The following SCN2B variants were observed in gnomAD, a reference collection of about 807,000 sequenced individuals.
SCN2B encodes the protein sodium channel regulatory subunit beta-2.
A neutral mutation model predicts 18.2 loss-of-function variants in SCN2B; 14 were observed. The observed-to-expected ratio is 0.77, with a 90% CI of 0.51 to 1.21. SCN2B has a LOEUF of 1.21. Among genes scored for constraint, SCN2B ranks in the 50% most tolerant of loss-of-function variants. SCN2B has a pLI of 0.00. For missense variants in SCN2B, 262 were observed against 286.9 expected (o/e 0.91, Z 0.63); for synonymous variants, 115 against 115.3 (o/e 1.00, Z 0.02).
chr11:118,169,795 G>T (rs1948415520), intron 1 of SCN2B, among the ~76,000 whole-genome samples: 1 of 152,182 alleles, frequency 6.6e-6, no homozygotes, highest in Non-Finnish European at 1.5e-5. Flanking sequence ...TGGTGCTGGG[G>T]CTGAGAAAGG....
rs1565462826 is a variant in SCN2B, at chr11:118,167,046, A to C, written c.489T>G (p.Gly163=). The C allele has an allele frequency of 6.2e-7, 1 of 1,613,454 alleles. No homozygotes were observed. The highest frequency in any genetic ancestry group is 8.5e-7 in the Non-Finnish European group (1 of 1,179,996). Reference sequence around the variant, plus strand: ...CAGCCAGGAAGCCCCCGACGGAGGCACCCACAATCACGGCCACCGTGGAGT... The same window carrying C: ...CAGCCAGGAAGCCCCCGACGGAGGCCCCCACAATCACGGCCACCGTGGAGT... ...ERDSTVAVIV[G]ASVGGFLAVV... is the part of the protein sequence containing the mutation. The change falls in exon 4 of 4, where the codon GGT becomes GGG. Residue 163 remains glycine, a synonymous_variant. Transcript: ENST00000278947.
In SCN2B at chr11:118,176,634, G is replaced by A. The variant is rs920892434; in HGVS notation, c.-203C>T. The A allele has an allele frequency of 1.3e-5, 4 of 315,990 alleles. No homozygotes were observed. The highest frequency in any genetic ancestry group is 1.1e-4 in the South Asian group (4 of 36,006). The allele number at this position is 315,990 out of a possible 1,614,324, so 19.6% of individuals were successfully genotyped here. On this transcript the variant is annotated 5_prime_UTR_variant, in exon 1 of 4. Coordinates refer to ENST00000278947, the MANE Select transcript of SCN2B (RefSeq NM_004588.5). ...GCTGCTAAAAAGAGAGAGAGAGGGA[G>A]TGTGTAAAGGAGAGAGAGAGAGATG...
chr11:118,174,760 G>GC (rs1948456818), intron 1 of SCN2B, among the ~76,000 whole-genome samples: 2 of 152,118 alleles, frequency 1.3e-5, no homozygotes, highest in South Asian at 4.1e-4. Context: ...TGGTCACTGA[G>GC]CCCCCTTTCT....
rs1384729312 is a variant in SCN2B at position 118,168,834 on chromosome 11, G to A, written c.71-83C>T. ...AGCCCTCTGTGCCTGGGAGTGTTGG[G>A]GGATGAGGCAGAGCAGAGCCACAGG... is the stretch of plus-strand genomic sequence containing the variant. On this transcript the variant is annotated intron_variant, in intron 1 of 3. Transcript: ENST00000278947. This position sits in a 1 kb window ranked among gnomAD's most constrained non-coding sequence, Gnocchi z 4.7. The A allele has an allele frequency of 6.6e-7, 1 of 1,505,602 alleles. No homozygotes were observed. Among genetic ancestry groups the A allele is most frequent in the African/African-American group, 1.4e-5 (1 of 72,664 alleles). The allele number at this position is 1,505,602 out of a possible 1,614,324, so 93.3% of individuals were successfully genotyped here.
At position 118,171,852 on chromosome 11, in the gene SCN2B, T is replaced by C. The variant is rs543133890; in HGVS notation, c.71-3101A>G. 2.7e-3 allele frequency among the ~76,000 whole-genome samples: 415 copies of C among 152,234 alleles called. 2 individuals are homozygous for C. The highest frequency in any genetic ancestry group is 9.7e-3 in the African/African-American group (402 of 41,548). On this transcript the variant is annotated intron_variant, in intron 1 of 3. Transcript: ENST00000278947. ...CAAGTTCCATCCTGCGGAGCGAGCA[T>C]GGGATCCGGAGCCACAGCTGGAGCT...
At chr11:118,170,931 GC>G (rs766997740) in intron 1 of SCN2B, among the ~76,000 whole-genome samples, 2 of 152,070 alleles carry the variant, frequency 1.3e-5, no homozygotes, top group Non-Finnish European at 2.9e-5. Flanking sequence ...TTGGCGAACA[GC>G]CCAGGCCTGC....
intron 1 of SCN2B, among the ~76,000 whole-genome samples, chr11:118,171,779 G>T (rs1171882016): frequency 6.6e-6 from 1 of 152,242 alleles, no homozygotes; most frequent in African/African-American, 2.4e-5. Context: ...CCTGCAGAAG[G>T]TACCGGGCGG....
Position 118,165,929 on chromosome 11 carries a change from C to T in SCN2B, c.*958G>A, listed in dbSNP as rs1948377692. 6.6e-6 allele frequency: 1 copy of T among 152,330 alleles called. No individual in the cohort carries two copies. Among genetic ancestry groups the T allele is most frequent in the Non-Finnish European group, 1.5e-5 (1 of 68,132 alleles). 9.4% of individuals were successfully genotyped at this position (152,330 alleles called of 1,614,324 possible). ...CTGTAGCCAAAAGCCAGGTGGAAAC[C>T]CCACCAAGGGCAACTGGGAGAGTTC... On this transcript the variant is annotated 3_prime_UTR_variant, in exon 4 of 4. Coordinates refer to ENST00000278947, the MANE Select transcript of SCN2B (RefSeq NM_004588.5).
At position 118,168,282 on chromosome 11, in the gene SCN2B, C is replaced by A. The variant is rs201460753; in HGVS notation, c.251G>T (p.Arg84Leu). 1 of 1,614,108 alleles carries A rather than the reference C, an allele frequency of 6.2e-7. No individual in the cohort carries two copies. Among genetic ancestry groups the A allele is most frequent in the East Asian group, 2.2e-5 (1 of 44,880 alleles). Residue 84 changes from arginine to leucine, a missense_variant, in exon 3 of 4, where the codon CGC becomes CTC. By Grantham distance (102) the Arg-to-Leu change is moderately radical. Coordinates refer to ENST00000278947, the MANE Select transcript of SCN2B (RefSeq NM_004588.5). The surrounding 1 kb of genome is among the most constrained non-coding windows in gnomAD (Gnocchi z 4.7). Reference protein sequence around the residue: ...NCSEEMFLQFRMKIINLKLER... With the variant: ...NCSEEMFLQFLMKIINLKLER... Reference sequence around the variant, plus strand: ...CAGCTTCAGGTTAATGATCTTCATGCGGAACTGGAGGAACTGGGGTTGGAG... The same window carrying A: ...CAGCTTCAGGTTAATGATCTTCATGAGGAACTGGAGGAACTGGGGTTGGAG...
Position 118,176,417 on chromosome 11 carries a change from G to C in SCN2B, c.15C>G (p.Ala5=). The C allele has an allele frequency of 1.2e-6, 2 of 1,614,116 alleles. No individual in the cohort carries two copies. Among genetic ancestry groups the C allele is most frequent in the South Asian group, 1.1e-5 (1 of 91,084 alleles). Residue 5 remains alanine (A), a synonymous_variant, in exon 1 of 4, where the codon GCC becomes GCG. Transcript: ENST00000278947. MHRD[A]WLPRPAFSLT... Reference sequence around the variant, plus strand: ...GGCTGAAGGCAGGGCGAGGTAGCCAGGCATCTCTGTGCATTTTCAGAGACT... The same window carrying C: ...GGCTGAAGGCAGGGCGAGGTAGCCACGCATCTCTGTGCATTTTCAGAGACT...
chr11:118,168,611 C>A lies in SCN2B; in HGVS notation c.211G>T (p.Glu71Ter), dbSNP rs1555100892. ...KQFSLNWTYQ[E>*]CNNCSEEMFL... ...ATCTCCTCAGAGCAGTTGTTGCACT[C>A]CTGGTAAGTCCAGTTCAGGGAGAAC... Residue 71 changes from glutamate to a stop codon, truncating the protein, a stop_gained, in exon 2 of 4, where the codon GAG becomes TAG. Transcript: ENST00000278947. LOFTEE classifies it high-confidence loss of function. The surrounding 1 kb of genome is among the most constrained non-coding windows in gnomAD (Gnocchi z 4.7). The A allele has an allele frequency of 6.2e-7, 1 of 1,614,236 alleles. No individual in the cohort carries two copies. The highest frequency in any genetic ancestry group is 8.5e-7 in the Non-Finnish European group (1 of 1,180,042).
intron 1 of SCN2B, among the ~76,000 whole-genome samples, chr11:118,174,091 CTTTTTT>C (rs1162918445): frequency 1.4e-4 from 9 of 66,628 alleles, no homozygotes; most frequent in Non-Finnish European, 2.1e-4. Flanking sequence ...TTTTTCTTTT[CTTTTTT>C]TTTTTTTTTT....
At chr11:118,173,586 G>A (rs539189762) in intron 1 of SCN2B, among the ~76,000 whole-genome samples, 11 of 152,344 alleles carry the variant, frequency 7.2e-5, no homozygotes, top group South Asian at 4.1e-4. Flanking sequence ...CTTACTACCT[G>A]TATGAAGCTC....
Position 118,163,962 on chromosome 11 carries a change from A to C in SCN2B, c.*2925T>G, listed in dbSNP as rs927492305. 6.6e-6 allele frequency: 1 copy of C among 152,198 alleles called. No individual in the cohort carries two copies. The highest frequency in any genetic ancestry group is 2.4e-5 in the African/African-American group (1 of 41,436). 9.4% of individuals were successfully genotyped at this position (152,198 alleles called of 1,614,324 possible). ...TCTGGAGGAGATTCTAAGAGGCTCC[A>C]GAAGAAAATGCATATGAGGGCTGAG... On this transcript the variant is annotated 3_prime_UTR_variant, in exon 4 of 4. Transcript: ENST00000278947.
intron 1 of SCN2B, among the ~76,000 whole-genome samples, chr11:118,171,978 G>A (rs770511978): frequency 6.6e-6 from 1 of 152,136 alleles, no homozygotes; most frequent in Non-Finnish European, 1.5e-5. Flanking sequence ...CAGAATCATG[G>A]TTCCTAGCCC....
rs1948348065 is a variant in SCN2B at position 118,163,309 on chromosome 11, C to G, written c.*3578G>C. The G allele has an allele frequency of 6.6e-6, 1 of 152,420 alleles. No individual in the cohort carries two copies. The highest frequency in any genetic ancestry group is 6.5e-5 in the Admixed American group (1 of 15,290). The allele number at this position is 152,420 out of a possible 1,614,324, so 9.4% of individuals were successfully genotyped here. ...GATTTCTTGCTTCATCACCCGTTAA[C>G]TGCACCAAGCCATTCCTATGGCCTG... On this transcript the variant is annotated 3_prime_UTR_variant, in exon 4 of 4. Coordinates refer to ENST00000278947, the MANE Select transcript of SCN2B (RefSeq NM_004588.5).
At position 118,164,072 on chromosome 11, in the gene SCN2B, C is replaced by T. The variant is rs1948356083; in HGVS notation, c.*2815G>A. 1 of 152,138 alleles carries T rather than the reference C, an allele frequency of 6.6e-6. No homozygotes were observed. The highest frequency in any genetic ancestry group is 6.5e-5 in the Admixed American group (1 of 15,278). 9.4% of individuals were successfully genotyped at this position (152,138 alleles called of 1,614,324 possible). On this transcript the variant is annotated 3_prime_UTR_variant, in exon 4 of 4. Transcript: ENST00000278947. ...AAGAGACATTGCTTTTCCTGGGCCC[C>T]AGTTGATCAGGGCAGAGGAAAAAAA...
chr11:118,171,714 G>T (rs565723278), intron 1 of SCN2B, among the ~76,000 whole-genome samples: 1 of 152,184 alleles, frequency 6.6e-6, no homozygotes, highest in Non-Finnish European at 1.5e-5. Flanking sequence ...CCGGCAGGAC[G>T]GGGGCAGCCG....
rs115353159 is a variant in SCN2B, at chr11:118,166,957, G to A, written c.578C>T (p.Thr193Ile). 2.2e-5 allele frequency: 36 copies of A among 1,614,176 alleles called. No homozygotes were observed. The African/African-American group carries it at 4.0e-4, about 18-fold the overall frequency. Residue 193 changes from threonine (T) to isoleucine (I), a missense_variant, in exon 4 of 4, where the codon ACA becomes ATA. Coordinates refer to ENST00000278947, the MANE Select transcript of SCN2B (RefSeq NM_004588.5). ...CTCCTCCTCGGTCTTCAGGTCATCT[G>A]TGCTCAGCTTCTGCTCTTTTTTTCT... is the stretch of plus-strand genomic sequence containing the variant. Reference protein sequence around the residue: ...VRRKKEQKLSTDDLKTEEEGK... With the variant: ...VRRKKEQKLSIDDLKTEEEGK...
Sources: gnomAD v4.1 joint callset for allele counts (sites outside exome capture counted in the v4.1 genomes callset) on GRCh38, gnomAD v4.1.1 for gene constraint, Gnocchi (gnomAD v3.1) non-coding constraint, MANE v1.5 for transcripts, NCBI Gene and HGNC (gene_info 2026-07-23, HGNC 2026-07-21) for gene names.